The following MMP16 variants were observed in gnomAD, a reference collection of about 807,000 sequenced individuals.
MMP16 encodes matrix metallopeptidase 16, also known as matrix metalloproteinase-16.
MMP16 carries 12 observed loss-of-function variants against 67.8 expected under a neutral mutation model. The ratio of observed to expected loss-of-function variants is 0.18; its 90% CI spans 0.11 to 0.29. MMP16 has a LOEUF of 0.29. MMP16 is among the 10% of genes least tolerant of loss of function. The probability of loss-of-function intolerance (pLI) is 1.00; values close to 1 mark genes in which losing one functional copy is unlikely to be tolerated. For synonymous variants in MMP16, 249 were observed against 255.9 expected (o/e 0.97, Z 0.26); for missense variants, 475 against 765.7 (o/e 0.62, Z 4.48).
At chr8:88,116,447 T>C in intron 6 of MMP16, 60 bp downstream of exon 6, 3 of 1,444,582 alleles carry the variant, frequency 2.1e-6, no homozygotes, top group Admixed American at 1.9e-5. Flanking sequence ...GAACTTGTTT[T>C]CTAAAGCAAC....
rs1809268887 is a variant in MMP16 at position 88,197,139 on chromosome 8, G to A, written c.281+19C>T. 6.2e-7 allele frequency: 1 copy of A among 1,605,002 alleles called. No individual in the cohort carries two copies. The highest frequency in any genetic ancestry group is 1.3e-5 in the African/African-American group (1 of 74,390). On this transcript the variant is annotated intron_variant, in intron 2 of 9. Transcript: ENST00000286614. ...GGCTCAAGGACCAAAAAGAAAGGAG[G>A]ATGGGAGCCATTACTTACTCAATTG... is the stretch of plus-strand genomic sequence containing the variant.
At chr8:88,191,139 C>G (rs978926397) in intron 2 of MMP16, among the ~76,000 whole-genome samples, 6 of 151,914 alleles carry the variant, frequency 3.9e-5, no homozygotes, top group Non-Finnish European at 8.8e-5. Flanking sequence ...GTTAACTCAA[C>G]TTAAAAAGAA....
chr8:88,063,569 G>C (rs1432267282), intron 7 of MMP16, among the ~76,000 whole-genome samples: 3 of 148,768 alleles, frequency 2.0e-5, no homozygotes, highest in Non-Finnish European at 3.0e-5. Context: ...CTGAGCCACT[G>C]TTAATGATAG....
intron 1 of MMP16, among the ~76,000 whole-genome samples, chr8:88,326,503 T>C (rs560432437): frequency 6.6e-6 from 1 of 152,228 alleles, no homozygotes; most frequent in South Asian, 2.1e-4. Flanking sequence ...TTTCATGTCC[T>C]CTGTGTAGCC....
chr8:88,257,341 G>C (rs964370777), intron 1 of MMP16, among the ~76,000 whole-genome samples: 1 of 152,206 alleles, frequency 6.6e-6, no homozygotes, highest in Non-Finnish European at 1.5e-5. Context: ...GTAGAGTAGA[G>C]AAAGGAGTAA....
At chr8:88,288,677 G>C (rs1810871820) in intron 1 of MMP16, among the ~76,000 whole-genome samples, 1 of 152,192 alleles carries the variant, frequency 6.6e-6, no homozygotes, top group Non-Finnish European at 1.5e-5. Flanking sequence ...CAGTAGGAGA[G>C]AAATTCTCAT....
chr8:88,102,453 G>A (rs1432485548), intron 6 of MMP16, among the ~76,000 whole-genome samples: 1 of 151,754 alleles, frequency 6.6e-6, no homozygotes, highest in Non-Finnish European at 1.5e-5. Context: ...TCCTCCCTGG[G>A]CATGCCACCC....
intron 1 of MMP16, among the ~76,000 whole-genome samples, chr8:88,237,747 C>T (rs1284466699): frequency 6.6e-6 from 1 of 152,112 alleles, no homozygotes; most frequent in South Asian, 2.1e-4. Flanking sequence ...GAGGTTGAGG[C>T]TATTATTGGT....
intron 3 of MMP16, among the ~76,000 whole-genome samples, chr8:88,176,702 C>T (rs1357704445): frequency 6.6e-6 from 1 of 152,144 alleles, no homozygotes; most frequent in Admixed American, 6.5e-5. Flanking sequence ...TCTATAAAGT[C>T]TACTTTGGCA....
intron 1 of MMP16, among the ~76,000 whole-genome samples, chr8:88,304,705 T>A (rs1811186798): frequency 6.6e-6 from 1 of 152,172 alleles, no homozygotes; most frequent in African/African-American, 2.4e-5. Flanking sequence ...CTAAGCTTCA[T>A]AAGCAAAGGA....
intron 1 of MMP16, among the ~76,000 whole-genome samples, chr8:88,281,641 G>GC (rs1810738672): frequency 6.6e-6 from 1 of 152,082 alleles, no homozygotes; most frequent in Non-Finnish European, 1.5e-5. Context: ...AATTTACCAG[G>GC]CCCCCAAAGC....
At chr8:88,111,488 G>C (rs1242571073) in intron 6 of MMP16, among the ~76,000 whole-genome samples, 1 of 151,708 alleles carries the variant, frequency 6.6e-6, no homozygotes, top group Non-Finnish European at 1.5e-5. Flanking sequence ...ACTGGGAGGA[G>C]AAGTGTGGCT....
chr8:88,126,218 A>C (rs981333433), intron 4 of MMP16, among the ~76,000 whole-genome samples: 3 of 151,852 alleles, frequency 2.0e-5, no homozygotes, highest in Non-Finnish European at 2.9e-5. Context: ...TTGGGTCAGA[A>C]AATATGAGTG....
rs780907693 is a variant in MMP16 at position 88,327,202 on chromosome 8, A to T, written c.5T>A (p.Ile2Asn). 6 of 1,613,828 alleles carry T rather than the reference A, an allele frequency of 3.7e-6. No homozygotes were observed. The Admixed American group carries it at 5.0e-5, about 13-fold the overall frequency. M[I>N]LLTFSTGRRL... Reference sequence around the variant, plus strand: ...TCTTCCAGTGCTGAATGTGAGTAAGATCATAGTGAACTGTGCTTCAATGGA... The same window carrying T: ...TCTTCCAGTGCTGAATGTGAGTAAGTTCATAGTGAACTGTGCTTCAATGGA... Residue 2 changes from isoleucine to asparagine, a missense_variant, in exon 1 of 10, where the codon ATC becomes AAC. Transcript: ENST00000286614.
At chr8:88,047,518 G>A (rs923554824) in intron 8 of MMP16, among the ~76,000 whole-genome samples, 1 of 152,162 alleles carries the variant, frequency 6.6e-6, no homozygotes, top group Non-Finnish European at 1.5e-5. Context: ...TGACATCTGA[G>A]CAGAGAAAAG....
intron 1 of MMP16, among the ~76,000 whole-genome samples, chr8:88,284,541 G>T (rs151103581): frequency 1.3e-5 from 2 of 151,698 alleles, no homozygotes; most frequent in African/African-American, 4.8e-5. Flanking sequence ...CTAATTCAGT[G>T]CTCTTTTCAA....
intron 3 of MMP16, among the ~76,000 whole-genome samples, chr8:88,184,778 A>AAAAAAAAAAAAAAAAAAAAG (rs1809046493): frequency 7.7e-6 from 1 of 130,114 alleles, no homozygotes; most frequent in Non-Finnish European, 1.7e-5. Flanking sequence ...AAAAAAAAAA[A>AAAAAAAAAAAAAAAAAAAAG]GAAAAGAAAA....
chr8:88,147,228 C>G (rs184296420), intron 4 of MMP16, among the ~76,000 whole-genome samples: 58 of 151,914 alleles, frequency 3.8e-4, no homozygotes, highest in Non-Finnish European at 6.2e-4. Context: ...CTATTGTTAC[C>G]TCCTCTACTA....
chr8:88,111,509 G>C (rs1382988434), intron 6 of MMP16, among the ~76,000 whole-genome samples: 1 of 151,692 alleles, frequency 6.6e-6, no homozygotes, highest in Non-Finnish European at 1.5e-5. Context: ...GGAGTTCTGT[G>C]AGTAAAAATG....
Sources: allele counts gnomAD v4.1 joint callset (sites outside exome capture counted in the v4.1 genomes callset), GRCh38; gene constraint gnomAD v4.1.1; transcripts MANE v1.5; gene names NCBI Gene and HGNC (gene_info 2026-07-23, HGNC 2026-07-21).